Variants in ANKRD11 observed in about 807,000 individuals in gnomAD.
ANKRD11 encodes the protein ankyrin repeat domain 11.
ANKRD11 carries 17 observed loss-of-function variants against 195.7 expected under a neutral mutation model. That is an observed-to-expected ratio of 0.09 (90% CI 0.06 to 0.13). ANKRD11 has a LOEUF of 0.13. Ranked by LOEUF, ANKRD11 falls within the 10% of genes least tolerant of loss-of-function variation. ANKRD11 has a pLI of 1.00. For missense variants in ANKRD11, 3,735 were observed against 3,566.1 expected (o/e 1.05, Z -1.21); for synonymous variants, 1,953 against 1,528.1 (o/e 1.28, Z -6.49).
At chr16:89,290,478 G>C in intron 6 of ANKRD11, 147 bp downstream of exon 6, 1 of 206,700 alleles carries the variant, frequency 4.8e-6, no homozygotes, top group East Asian at 4.6e-5. Flanking sequence ...CTCCAGCGGG[G>C]GAGGCTCAGG....
At chr16:89,298,250 G>A (rs760252872) in intron 4 of ANKRD11, 7 of 152,286 alleles carry the variant, frequency 4.6e-5, no homozygotes, top group Non-Finnish European at 1.0e-4. Flanking sequence ...TTCCCACCCT[G>A]GGCCTCCTTT....
chr16:89,342,054 G>A (rs1201105566), intron 2 of ANKRD11, among the ~76,000 whole-genome samples: 1 of 103,542 alleles, frequency 9.7e-6, no homozygotes, highest in African/African-American at 3.6e-5. Context: ...CACGGCCCAC[G>A]GCGGGAGTGC....
intron 7 of ANKRD11, chr16:89,287,275 C>A: frequency 2.6e-6 from 1 of 383,160 alleles, no homozygotes; most frequent in Non-Finnish European, 4.9e-6. Context: ...TCAGACTCAG[C>A]AGGAAAGGCT....
rs769396868 is a variant in ANKRD11, at chr16:89,281,913, G to A, written c.4629C>T (p.Gly1543=). The change falls in exon 9 of 13, where the codon GGC becomes GGT. Residue 1543 remains glycine (G), a synonymous_variant. Coordinates refer to ENST00000301030, the MANE Select transcript of ANKRD11 (RefSeq NM_013275.6). This position sits in a 1 kb window ranked among gnomAD's most constrained non-coding sequence, Gnocchi z 5.5. ...KFKDGAEKEK[G]DPVKMSNGND... is the part of the protein sequence containing the mutation. The stretch of plus-strand genomic sequence containing the variant: ...TCCCGTTGCTCATCTTCACTGGGTC[G>A]CCCTTTTCTTTCTCTGCACCGTCCT... The A allele has an allele frequency of 1.8e-5, 29 of 1,613,128 alleles. No homozygotes were observed. In the South Asian group the frequency reaches 2.0e-4, roughly 11 times the overall value.
Position 89,281,247 on chromosome 16 carries a change from G to A in ANKRD11, c.5295C>T (p.Ser1765=), listed in dbSNP as rs1326071708. The part of the protein sequence containing the change: ...ACSPSFFDRF[S]VASSGLSENA... ...TTTCCGAAAGCCCACTTGAAGCCAC[G>A]GAGAACCTGTCGAAAAAGGAGGGGG... The change falls in exon 9 of 13, where the codon TCC becomes TCT. Residue 1765 remains serine (S), a synonymous_variant. Transcript: ENST00000301030. This position sits in a 1 kb window ranked among gnomAD's most constrained non-coding sequence, Gnocchi z 5.5. 4 of 1,614,228 alleles carry A rather than the reference G, an allele frequency of 2.5e-6. No homozygotes were observed. Among genetic ancestry groups the A allele is most frequent in the African/African-American group, 1.3e-5 (1 of 75,060 alleles).
chr16:89,354,612 TG>T (rs2039384748), intron 2 of ANKRD11, among the ~76,000 whole-genome samples: 1 of 152,216 alleles, frequency 6.6e-6, no homozygotes, highest in Non-Finnish European at 1.5e-5. Flanking sequence ...CAGGGCACGG[TG>T]GCTCACTCTT....
chr16:89,412,824 C>A (rs1052255576), intron 2 of ANKRD11, among the ~76,000 whole-genome samples: 1 of 152,126 alleles, frequency 6.6e-6, no homozygotes. Flanking sequence ...AATATTATAA[C>A]CTACAAACAA....
At chr16:89,311,771 G>C (rs540701480) in intron 3 of ANKRD11, among the ~76,000 whole-genome samples, 1 of 152,322 alleles carries the variant, frequency 6.6e-6, no homozygotes, top group African/African-American at 2.4e-5. Flanking sequence ...AGGCTGCTCA[G>C]AGCACCCTAT....
chr16:89,362,752 C>A (rs377082432), intron 2 of ANKRD11, among the ~76,000 whole-genome samples: 3 of 152,200 alleles, frequency 2.0e-5, no homozygotes, highest in Non-Finnish European at 4.4e-5. Flanking sequence ...TTATACTGGT[C>A]GAAGCAAGCA....
chr16:89,447,628 C>T (rs1224785280), intron 1 of ANKRD11, among the ~76,000 whole-genome samples: 1 of 152,156 alleles, frequency 6.6e-6, no homozygotes, highest in Non-Finnish European at 1.5e-5. Context: ...CACCTGTTCT[C>T]ACTCCTCCTA....
At position 89,438,324 on chromosome 16, in the gene ANKRD11, AT is replaced by A. The variant is rs11435696; in HGVS notation, c.-144-19957del. On this transcript the variant is annotated intron_variant, in intron 1 of 12. Transcript: ENST00000301030. Reference sequence around the variant, plus strand: ...TCTTTATGGCCTTGGGATAGGGAACATTTTTTTTTTTTCAACACAGAGTCTC... The same window carrying A: ...TCTTTATGGCCTTGGGATAGGGAACATTTTTTTTTTTCAACACAGAGTCTC... Among the ~76,000 whole-genome samples, 105 of 149,176 alleles carry A rather than the reference AT, an allele frequency of 7.0e-4. 1 individual carries two copies. The South Asian group carries it at 0.013, about 19-fold the overall frequency.
intron 1 of ANKRD11, among the ~76,000 whole-genome samples, chr16:89,424,759 T>C (rs575764119): frequency 1.1e-4 from 17 of 151,986 alleles, no homozygotes; most frequent in South Asian, 2.1e-4. Flanking sequence ...AAGGGGCAAA[T>C]GTGGCTAGAA....
At chr16:89,314,422 C>A (rs2036818403) in intron 3 of ANKRD11, among the ~76,000 whole-genome samples, 1 of 152,190 alleles carries the variant, frequency 6.6e-6, no homozygotes, top group Non-Finnish European at 1.5e-5. Flanking sequence ...TCTCTCTTCT[C>A]CTTAAACAAG....
At chr16:89,296,495 A>G (rs961113144) in intron 4 of ANKRD11, among the ~76,000 whole-genome samples, 3 of 152,232 alleles carry the variant, frequency 2.0e-5, no homozygotes, top group African/African-American at 4.8e-5. Flanking sequence ...GTGTCTAATA[A>G]GCTACATCAT....
intron 1 of ANKRD11, among the ~76,000 whole-genome samples, chr16:89,480,019 G>A (rs773527572): frequency 1.3e-5 from 2 of 151,658 alleles, no homozygotes; most frequent in African/African-American, 4.9e-5. Context: ...GCTGAGGCAG[G>A]AGAAATGCTT....
chr16:89,426,280 A>C (rs2042711173), intron 1 of ANKRD11, among the ~76,000 whole-genome samples: 1 of 152,210 alleles, frequency 6.6e-6, no homozygotes, highest in Non-Finnish European at 1.5e-5. Context: ...GCATGAAATC[A>C]AACTAGAGAA....
chr16:89,485,351 G>A (rs1405831498), intron 1 of ANKRD11, among the ~76,000 whole-genome samples: 1 of 151,596 alleles, frequency 6.6e-6, no homozygotes, highest in Non-Finnish European at 1.5e-5. Context: ...AACACTAACT[G>A]GGAGTGGTGG....
Position 89,281,351 on chromosome 16 carries a change from C to T in ANKRD11, c.5191G>A (p.Asp1731Asn), listed in dbSNP as rs1334528543. The change falls in exon 9 of 13, where the codon GAC (aspartate) becomes AAC (asparagine). Residue 1731 changes from aspartate to asparagine, a missense_variant. Physicochemically the swap from Asp to Asn is conservative, Grantham distance 23 (BLOSUM62 1). Transcript: ENST00000301030. This position sits in a 1 kb window ranked among gnomAD's most constrained non-coding sequence, Gnocchi z 5.5. ...TPRTPSCSADDYADLVFDCAD... is the reference protein window; with the variant it reads ...TPRTPSCSADNYADLVFDCAD... ...CAGTCGAACACGAGGTCCGCGTAGT[C>T]ATCGGCGCTGCAGGACGGGGTCCTG... 6.2e-7 allele frequency: 1 copy of T among 1,611,688 alleles called. No homozygotes were observed. Among genetic ancestry groups the T allele is most frequent in the Non-Finnish European group, 8.5e-7 (1 of 1,178,160 alleles).
intron 1 of ANKRD11, among the ~76,000 whole-genome samples, chr16:89,426,428 C>T (rs1029543172): frequency 2.6e-5 from 4 of 151,860 alleles, no homozygotes; most frequent in African/African-American, 7.3e-5. Flanking sequence ...CAGCGCCGGC[C>T]GAGTTCACAA....
Sources: gnomAD v4.1 joint callset for allele counts (sites outside exome capture counted in the v4.1 genomes callset) on GRCh38, gnomAD v4.1.1 for gene constraint, Gnocchi (gnomAD v3.1) non-coding constraint, MANE v1.5 for transcripts, NCBI Gene and HGNC (gene_info 2026-07-23, HGNC 2026-07-21) for gene names.